Variants in INPP4B observed in about 807,000 individuals in gnomAD.
The protein encoded by INPP4B is inositol polyphosphate 4-phosphatase type II.
A neutral mutation model predicts 122.5 loss-of-function variants in INPP4B; 55 were observed. The ratio of observed to expected loss-of-function variants is 0.45; its 90% CI spans 0.36 to 0.56. The LOEUF (loss-of-function observed/expected upper bound fraction) is 0.56. INPP4B is among the 20% of genes least tolerant of loss of function. The pLI is 0.00. For synonymous variants in INPP4B, 403 were observed against 388.7 expected, an observed-to-expected ratio of 1.04 and a Z score of -0.43; for missense variants, 1,000 against 1,097.7, an observed-to-expected ratio of 0.91 and a Z score of 1.26.
At chr4:142,626,006 G>C (rs920017254) in intron 2 of INPP4B, among the ~76,000 whole-genome samples, 20 of 152,060 alleles carry the variant, frequency 1.3e-4, no homozygotes, top group African/African-American at 3.9e-4. Context: ...AGACTTAAAC[G>C]TTAGACCTAA....
intron 2 of INPP4B, among the ~76,000 whole-genome samples, chr4:142,669,849 A>G: frequency 6.6e-6 from 1 of 152,210 alleles, no homozygotes; most frequent in Non-Finnish European, 1.5e-5. Flanking sequence ...AGTGTTGGCC[A>G]GAAGATGGAG....
chr4:142,609,635 C>G (rs983561472), intron 2 of INPP4B, among the ~76,000 whole-genome samples: 1 of 152,102 alleles, frequency 6.6e-6, no homozygotes, highest in Non-Finnish European at 1.5e-5. Flanking sequence ...CAAAATGTTT[C>G]TCCAAAAAAA....
chr4:142,398,388 AAAAAAAAAAAAAAATATATATAT>A (rs1332179407), intron 7 of INPP4B, among the ~76,000 whole-genome samples: 2 of 28,234 alleles, frequency 7.1e-5, no homozygotes, highest in Non-Finnish European at 1.4e-4. Context: ...AAAAAAAAAA[AAAAAAAAAAAAAAATATATATAT>A]ATATATATAT....
chr4:142,733,046 A>G (rs895080270), intron 1 of INPP4B, among the ~76,000 whole-genome samples: 2 of 152,174 alleles, frequency 1.3e-5, no homozygotes, highest in Admixed American at 6.5e-5. Flanking sequence ...AAATTATGGC[A>G]AGTTTGACAA....
intron 10 of INPP4B, among the ~76,000 whole-genome samples, chr4:142,270,178 C>G (rs948956259): frequency 6.6e-6 from 1 of 152,120 alleles, no homozygotes; most frequent in Non-Finnish European, 1.5e-5. Context: ...ATACTATTTC[C>G]TGCTTCTCTC....
chr4:142,427,615 C>A (rs775692615), intron 5 of INPP4B: 35 of 400,098 alleles, frequency 8.7e-5, no homozygotes, highest in Non-Finnish European at 1.3e-4. Context: ...TATGCCATTT[C>A]TTGAAGGCTG....
chr4:142,073,533 T>C (rs1768774649), intron 25 of INPP4B, among the ~76,000 whole-genome samples: 1 of 152,114 alleles, frequency 6.6e-6, no homozygotes, highest in African/African-American at 2.4e-5. Flanking sequence ...TGACAGTGTT[T>C]ACCTGAGTAT....
intron 25 of INPP4B, among the ~76,000 whole-genome samples, chr4:142,036,293 T>C (rs950764298): frequency 2.0e-4 from 30 of 152,200 alleles, no homozygotes; most frequent in African/African-American, 7.2e-4. Flanking sequence ...TTGATTCCTT[T>C]TCAATGTCTC....
intron 2 of INPP4B, among the ~76,000 whole-genome samples, chr4:142,546,889 G>A (rs1352790045): frequency 6.6e-6 from 1 of 152,000 alleles, no homozygotes; most frequent in Non-Finnish European, 1.5e-5. Context: ...AGAAACTACA[G>A]ATAAACATAA....
intron 2 of INPP4B, among the ~76,000 whole-genome samples, chr4:142,652,959 C>T (rs1202505914): frequency 6.6e-6 from 1 of 152,174 alleles, no homozygotes; most frequent in Admixed American, 6.5e-5. Context: ...CATCATGCTA[C>T]CTGACTTCAA....
intron 1 of INPP4B, among the ~76,000 whole-genome samples, chr4:142,768,144 C>T (rs901747324): frequency 2.0e-5 from 3 of 152,120 alleles, no homozygotes; most frequent in African/African-American, 4.8e-5. Context: ...GTGGTTAGAA[C>T]GAACCTGGCA....
At chr4:142,611,104 T>C (rs549284918) in intron 2 of INPP4B, among the ~76,000 whole-genome samples, 6 of 152,242 alleles carry the variant, frequency 3.9e-5, no homozygotes, top group South Asian at 2.1e-4. Flanking sequence ...CTTTCAATCA[T>C]GGCAAAAGGC....
intron 2 of INPP4B, among the ~76,000 whole-genome samples, chr4:142,699,282 T>C (rs1328358759): frequency 2.0e-5 from 3 of 152,196 alleles, no homozygotes; most frequent in South Asian, 2.1e-4. Flanking sequence ...TACAATCCAT[T>C]GTACAACCAC....
chr4:142,129,276 G>A (rs1800102246), intron 18 of INPP4B, among the ~76,000 whole-genome samples: 2 of 152,064 alleles, frequency 1.3e-5, no homozygotes, highest in African/African-American at 4.8e-5. Flanking sequence ...GTACAGAAAT[G>A]GTGACCGGTT....
chr4:142,765,512 G>GAA (rs896776584), intron 1 of INPP4B, among the ~76,000 whole-genome samples: 1 of 152,158 alleles, frequency 6.6e-6, no homozygotes, highest in Non-Finnish European at 1.5e-5. Context: ...TAGACAGGTG[G>GAA]AAGGTGGTCC....
rs192652045 is a variant in INPP4B, at chr4:142,070,952, C to A, written c.2642+11079G>T. Among the ~76,000 whole-genome samples, 20 of 152,230 alleles carry A rather than the reference C, an allele frequency of 1.3e-4. No homozygotes were observed. The East Asian group carries it at 3.9e-3, about 29-fold the overall frequency. On this transcript the variant is annotated intron_variant, in intron 25 of 25. Coordinates refer to ENST00000262992, the MANE Select transcript of INPP4B (RefSeq NM_001101669.3). ...ATTCAATGCCATCCCCATCAAGCTA[C>A]CAATGACTTTCTTCACAGAATTGGA...
chr4:142,836,181 T>C (rs892775351), intron 1 of INPP4B, among the ~76,000 whole-genome samples: 2 of 152,166 alleles, frequency 1.3e-5, no homozygotes, highest in African/African-American at 4.8e-5. Context: ...GAAACTTCAA[T>C]TGAAATCTAA....
At chr4:142,817,573 A>G (rs1345014924) in intron 1 of INPP4B, among the ~76,000 whole-genome samples, 1 of 152,146 alleles carries the variant, frequency 6.6e-6, no homozygotes, top group African/African-American at 2.4e-5. Context: ...CAGGGTGACG[A>G]TAATGCCTTG....
chr4:142,635,074 G>A (rs112796672), intron 2 of INPP4B, among the ~76,000 whole-genome samples: 3,826 of 152,076 alleles, frequency 0.025, 56 homozygotes, highest in Middle Eastern at 0.089. Context: ...GTCAAAAGAA[G>A]ACATACATGT....
Sources: gnomAD v4.1 joint callset for allele counts (sites outside exome capture counted in the v4.1 genomes callset) on GRCh38, gnomAD v4.1.1 for gene constraint, MANE v1.5 for transcripts, NCBI Gene and HGNC (gene_info 2026-07-23, HGNC 2026-07-21) for gene names.